Variants in KCNG4 observed in about 807,000 individuals in gnomAD.
KCNG4 encodes the protein voltage-gated potassium channel regulatory subunit KCNG4.
KCNG4 carries 30 observed loss-of-function variants against 28.2 expected under a neutral mutation model. The observed-to-expected ratio is 1.06, with a 90% confidence interval of 0.80 to 1.44. The LOEUF is 1.44. KCNG4 is among the 40% of genes most tolerant of loss of function. The pLI is 0.00. For missense variants in KCNG4, 879 were observed against 712.3 expected (o/e 1.23, Z -2.66); for synonymous variants, 375 against 315.5 (o/e 1.19, Z -2.00).
chr16:84,225,567 C>G lies in KCNG4; in HGVS notation c.757-2547G>C, dbSNP rs75448418. On this transcript the variant is annotated intron_variant, in intron 2 of 2. Transcript: ENST00000308251. ...TTTCAGACTCTGAGCTAGATTCTGC[C>G]TACAAGGCCTCTCTCTTTGCAGACA... 3.2e-3 allele frequency among the ~76,000 whole-genome samples: 484 copies of G among 152,364 alleles called. 5 individuals are homozygous for G. Among genetic ancestry groups the G allele is most frequent in the African/African-American group, 0.011 (450 of 41,580 alleles).
intron 2 of KCNG4, chr16:84,236,275 C>G (rs1279015924): frequency 5.4e-6 from 1 of 186,248 alleles, no homozygotes; most frequent in Non-Finnish European, 1.1e-5. Flanking sequence ...TTTTGACCTG[C>G]TCTAGGGCTT....
intron 2 of KCNG4, among the ~76,000 whole-genome samples, chr16:84,230,402 CAAAAAAAA>C (rs36051103): frequency 6.6e-5 from 2 of 30,326 alleles, no homozygotes; most frequent in East Asian, 1.0e-3. Context: ...GACTTCATCT[CAAAAAAAA>C]AAAAAAAAAA....
intron 2 of KCNG4, among the ~76,000 whole-genome samples, chr16:84,230,340 C>T (rs78885610): frequency 0.14 from 18,431 of 132,182 alleles, 1,116 homozygotes; most frequent in Middle Eastern, 0.17. Context: ...AGGAGGCAGA[C>T]GTTGCAGTAA....
Position 84,222,808 on chromosome 16 carries a change from C to A in KCNG4, c.969G>T (p.Pro323=). Reference sequence around the variant, plus strand: ...CCTTCTCCAGGTAGGAGCTCCCGCTCGGCCTCTCGCCGTCCTCCGGGGGCT... The same window carrying A: ...CCTTCTCCAGGTAGGAGCTCCCGCTAGGCCTCTCGCCGTCCTCCGGGGGCT... The part of the protein sequence containing the change: ...SEEPPEDGER[P]SGSSYLEKVG... Residue 323 remains proline, a synonymous_variant, in exon 3 of 3, where the codon CCG becomes CCT. Coordinates refer to ENST00000308251, the MANE Select transcript of KCNG4 (RefSeq NM_172347.3). 1 of 1,609,896 alleles carries A rather than the reference C, an allele frequency of 6.2e-7. No individual in the cohort carries two copies. Among genetic ancestry groups the A allele is most frequent in the Non-Finnish European group, 8.5e-7 (1 of 1,176,920 alleles).
Position 84,222,698 on chromosome 16 carries a change from A to G in KCNG4, c.1079T>C (p.Leu360Pro), listed in dbSNP as rs780286095. ...TGTGCAACGGCGCACGGTGAGCCCCAGCGTCTGCAGCCCCAGCGAGTGGCG... is the reference window on the plus strand; with the variant it reads ...TGTGCAACGGCGCACGGTGAGCCCCGGCGTCTGCAGCCCCAGCGAGTGGCG... ...LARHSLGLQT[L>P]GLTVRRCTRE... The change falls in exon 3 of 3, where the codon CTG (leucine) becomes CCG (proline). Residue 360 changes from leucine to proline, a missense_variant. Leu to Pro is a moderately conservative substitution (Grantham distance 98, BLOSUM62 -3). Transcript: ENST00000308251. 1.1e-5 allele frequency: 17 copies of G among 1,613,192 alleles called. 1 individual carries two copies. Among genetic ancestry groups the G allele is most frequent in the African/African-American group, 1.3e-5 (1 of 74,926 alleles).
In KCNG4 at chr16:84,220,427, T is replaced by G. The variant is rs1382681494; in HGVS notation, c.*1790A>C. 6.6e-6 allele frequency: 1 copy of G among 152,276 alleles called. No homozygotes were observed. Among genetic ancestry groups the G allele is most frequent in the Non-Finnish European group, 1.5e-5 (1 of 68,080 alleles). 9.4% of individuals were successfully genotyped at this position (152,276 alleles called of 1,614,324 possible). A position where few individuals can be genotyped will look rare whatever the true frequency, so the allele number is the denominator to read the frequency against. On this transcript the variant is annotated 3_prime_UTR_variant, in exon 3 of 3. Transcript: ENST00000308251. ...GACGCTAGGTGCTGGTGCAGGGTGCTTCCTGGGCCAGAGCCCTCTGCCACG... is the reference window on the plus strand; with the variant it reads ...GACGCTAGGTGCTGGTGCAGGGTGCGTCCTGGGCCAGAGCCCTCTGCCACG...
chr16:84,236,117 G>A (rs886129374), intron 2 of KCNG4: 5 of 152,504 alleles, frequency 3.3e-5, no homozygotes, highest in African/African-American at 1.2e-4. Context: ...GCACTGCAGG[G>A]AAACTGAGGC....
At position 84,220,931 on chromosome 16, in the gene KCNG4, T is replaced by G. The variant is rs1203828455; in HGVS notation, c.*1286A>C. On this transcript the variant is annotated 3_prime_UTR_variant, in exon 3 of 3. Transcript: ENST00000308251. ...CCATAAAGCATTCAAGGCCCACGCCTTCTCAACCCAACCCAGCTGTTCAGC... is the reference window on the plus strand; with the variant it reads ...CCATAAAGCATTCAAGGCCCACGCCGTCTCAACCCAACCCAGCTGTTCAGC... The G allele has an allele frequency of 1.3e-5, 2 of 152,492 alleles. No individual in the cohort carries two copies. Among genetic ancestry groups the G allele is most frequent in the Non-Finnish European group, 2.9e-5 (2 of 68,248 alleles). 9.4% of individuals were successfully genotyped at this position (152,492 alleles called of 1,614,324 possible).
chr16:84,222,974 A>T lies in KCNG4; in HGVS notation c.803T>A (p.Ile268Asn), dbSNP rs891464913. ...CTCCAGGGAGAACCAGGCCACGCAG[A>T]TGGTCTCCACGATGAAAATATAGTA... is the stretch of plus-strand genomic sequence containing the variant. ...KCYYIFIVET[I>N]CVAWFSLEFC... The change falls in exon 3 of 3, where the codon ATC becomes AAC. Residue 268 changes from isoleucine to asparagine, a missense_variant. Coordinates refer to ENST00000308251, the MANE Select transcript of KCNG4 (RefSeq NM_172347.3). 1.3e-6 allele frequency: 2 copies of T among 1,554,644 alleles called. No individual in the cohort carries two copies. Among genetic ancestry groups the T allele is most frequent in the Non-Finnish European group, 8.7e-7 (1 of 1,149,912 alleles).
intron 2 of KCNG4, among the ~76,000 whole-genome samples, chr16:84,234,539 C>T (rs933194137): frequency 1.3e-5 from 2 of 152,168 alleles, no homozygotes; most frequent in East Asian, 1.9e-4. Flanking sequence ...TTTATGCCAA[C>T]GGACGTTGCT....
intron 2 of KCNG4, among the ~76,000 whole-genome samples, chr16:84,228,234 G>T (rs1413722714): frequency 2.0e-5 from 3 of 152,210 alleles, no homozygotes; most frequent in African/African-American, 7.2e-5. Context: ...TGACCTTGGA[G>T]ACTTCCTCGC....
intron 2 of KCNG4, among the ~76,000 whole-genome samples, chr16:84,231,316 A>G (rs1335404937): frequency 6.6e-6 from 1 of 152,190 alleles, no homozygotes; most frequent in Non-Finnish European, 1.5e-5. Context: ...CGAGCAAACT[A>G]AAGATGCTGG....
chr16:84,222,767 C>G lies in KCNG4; in HGVS notation c.1010G>C (p.Arg337Pro), dbSNP rs560818619. 4.6e-5 allele frequency: 74 copies of G among 1,611,736 alleles called. No homozygotes were observed. The South Asian group carries it at 7.6e-4, about 17-fold the overall frequency. ...SYLEKVGLVL[R>P]VLRALRILYV... ...GAGGATGCGCAGCGCTCGCAGCACA[C>G]GCAGGACCAGCCCCACCTTCTCCAG... The change falls in exon 3 of 3, where the codon CGT becomes CCT. Residue 337 changes from arginine to proline, a missense_variant. Transcript: ENST00000308251.
intron 2 of KCNG4, among the ~76,000 whole-genome samples, chr16:84,230,567 G>A (rs9932548): frequency 0.28 from 42,355 of 151,964 alleles, 6,223 homozygotes; most frequent in East Asian, 0.43. Context: ...GCAAGACTCC[G>A]TCTCAAAATA....
intron 2 of KCNG4, among the ~76,000 whole-genome samples, chr16:84,229,451 A>T (rs1287789668): frequency 6.6e-6 from 1 of 152,242 alleles, no homozygotes; most frequent in Non-Finnish European, 1.5e-5. Context: ...TGACTAGCAC[A>T]GGGCCAGGAG....
At chr16:84,229,545 T>C (rs1904776594) in intron 2 of KCNG4, among the ~76,000 whole-genome samples, 1 of 152,230 alleles carries the variant, frequency 6.6e-6, no homozygotes, top group African/African-American at 2.4e-5. Context: ...CGCCATCCCA[T>C]CGCCTCTGTG....
chr16:84,234,043 G>C (rs2151339404), intron 2 of KCNG4, among the ~76,000 whole-genome samples: 1 of 152,340 alleles, frequency 6.6e-6, no homozygotes, highest in African/African-American at 2.4e-5. Flanking sequence ...CGGCACTTAG[G>C]AGGCATCGGT....
chr16:84,224,610 G>C (rs1904656160), intron 2 of KCNG4, among the ~76,000 whole-genome samples: 1 of 152,158 alleles, frequency 6.6e-6, no homozygotes, highest in Admixed American at 6.5e-5. Context: ...TTTATGCCTG[G>C]CTGCTGGAGA....
intron 1 of KCNG4, 106 bp from the exon 2 acceptor site, chr16:84,237,631 G>A (rs1905007379): frequency 1.5e-6 from 1 of 661,206 alleles, no homozygotes; most frequent in Non-Finnish European, 2.3e-6. Context: ...GCTTTCCTGT[G>A]ACTGCATCTG....
Sources: allele counts gnomAD v4.1 joint callset (sites outside exome capture counted in the v4.1 genomes callset), GRCh38; gene constraint gnomAD v4.1.1; transcripts MANE v1.5; gene names NCBI Gene and HGNC (gene_info 2026-07-23, HGNC 2026-07-21).